The following SLC7A2 variants were observed in gnomAD, a reference collection of about 807,000 sequenced individuals.
SLC7A2 encodes the protein solute carrier family 7 member 2.
SLC7A2 carries 48 observed loss-of-function variants against 58.9 expected under a neutral mutation model. The ratio of observed to expected loss-of-function variants is 0.82; its 90% CI spans 0.65 to 1.04. The LOEUF (loss-of-function observed/expected upper bound fraction) is 1.04, where lower values mean the gene tolerates loss of function less well. Among genes scored for constraint, SLC7A2 ranks in the 50% least tolerant of loss-of-function variants. SLC7A2 has a pLI of 0.00. For synonymous variants in SLC7A2, 363 were observed against 314.5 expected (o/e 1.15, Z -1.63); for missense variants, 1,029 against 818.8 (o/e 1.26, Z -3.13).
At chr8:17,509,764 T>A (rs1485515330) in intron 2 of SLC7A2, among the ~76,000 whole-genome samples, 1 of 152,204 alleles carries the variant, frequency 6.6e-6, no homozygotes, top group Non-Finnish European at 1.5e-5. Flanking sequence ...AAACAGCTAC[T>A]GAAATTATTT....
In SLC7A2 at chr8:17,564,943, C is replaced by T; in HGVS notation, c.1781-7C>T. On this transcript the variant is annotated splice_region_variant and splice_polypyrimidine_tract_variant and intron_variant, in intron 12 of 12. Coordinates refer to ENST00000494857, the MANE Select transcript of SLC7A2 (RefSeq NM_001370338.1). ...AACATTGATTTTTTTTTTTCCTGCC[C>T]CAACAGGCTTCCTGATTTACTTTTC... The T allele has an allele frequency of 6.4e-7, 1 of 1,566,192 alleles. No individual in the cohort carries two copies. The highest frequency in any genetic ancestry group is 8.6e-7 in the Non-Finnish European group (1 of 1,160,726).
At chr8:17,507,832 G>A (rs1342612100) in intron 2 of SLC7A2, among the ~76,000 whole-genome samples, 2 of 152,142 alleles carry the variant, frequency 1.3e-5, no homozygotes, top group East Asian at 1.9e-4. Flanking sequence ...TTAGAAATAA[G>A]TGTTACAGGA....
intron 5 of SLC7A2, among the ~76,000 whole-genome samples, chr8:17,549,186 C>G (rs1002340760): frequency 6.6e-6 from 1 of 152,220 alleles, no homozygotes; most frequent in African/African-American, 2.4e-5. Context: ...CCACTGGGTC[C>G]CTGCCACAAC....
chr8:17,535,118 T>C (rs1364887365), intron 2 of SLC7A2, among the ~76,000 whole-genome samples: 1 of 152,176 alleles, frequency 6.6e-6, no homozygotes, highest in Non-Finnish European at 1.5e-5. Context: ...TTCTCAGTGA[T>C]TTCCTATTGC....
At chr8:17,559,577 A>G (rs1055088427) in intron 9 of SLC7A2, among the ~76,000 whole-genome samples, 9 of 152,192 alleles carry the variant, frequency 5.9e-5, no homozygotes, top group African/African-American at 2.2e-4. Context: ...AAAAAAAAAC[A>G]TAACAAAACG....
At chr8:17,555,250 G>A (rs1315757446) in intron 8 of SLC7A2, among the ~76,000 whole-genome samples, 2 of 152,058 alleles carry the variant, frequency 1.3e-5, no homozygotes, top group Admixed American at 6.6e-5. Context: ...AATTGTGGTG[G>A]CGGTGGTATA....
chr8:17,545,720 T>C (rs530244695), intron 4 of SLC7A2, among the ~76,000 whole-genome samples: 62 of 152,174 alleles, frequency 4.1e-4, no homozygotes, highest in African/African-American at 1.4e-3. Flanking sequence ...TTGAGTCTCC[T>C]TCTTACCTGC....
At chr8:17,512,139 A>G (rs751186511) in intron 2 of SLC7A2, among the ~76,000 whole-genome samples, 6 of 152,164 alleles carry the variant, frequency 3.9e-5, no homozygotes, top group Non-Finnish European at 7.3e-5. Flanking sequence ...CTTAGAACGT[A>G]TATCGTATGT....
intron 2 of SLC7A2, among the ~76,000 whole-genome samples, chr8:17,503,409 G>A (rs1800245915): frequency 6.6e-6 from 1 of 152,090 alleles, no homozygotes; most frequent in Non-Finnish European, 1.5e-5. Flanking sequence ...TCTTTAGATC[G>A]CGAGTTTTTT....
rs35210464 is a variant in SLC7A2 at position 17,566,028 on chromosome 8, C to G, written c.*882C>G. On this transcript the variant is annotated 3_prime_UTR_variant, in exon 13 of 13. Transcript: ENST00000494857. ...AGGGCCAGAAAGCTCATGGAGTGGCCGTAATGAGAATATGTTTGAAGATCA... is the reference window on the plus strand; with the variant it reads ...AGGGCCAGAAAGCTCATGGAGTGGCGGTAATGAGAATATGTTTGAAGATCA... 17,888 of 152,094 alleles carry G rather than the reference C, an allele frequency of 0.12. 1,126 individuals are homozygous for G. Among genetic ancestry groups the G allele is most frequent in the Non-Finnish European group, 0.14 (9,203 of 67,994 alleles). The allele number at this position is 152,094 out of a possible 1,614,324, so 9.4% of individuals were successfully genotyped here.
chr8:17,537,258 C>T (rs1362155401), intron 2 of SLC7A2, among the ~76,000 whole-genome samples: 3 of 151,984 alleles, frequency 2.0e-5, no homozygotes, highest in African/African-American at 4.8e-5. Flanking sequence ...GGTTTCACCA[C>T]GTTGGTCAGG....
At chr8:17,514,704 A>G (rs1350372150) in intron 2 of SLC7A2, among the ~76,000 whole-genome samples, 1 of 152,170 alleles carries the variant, frequency 6.6e-6, no homozygotes, top group Non-Finnish European at 1.5e-5. Context: ...GCCAAAGATG[A>G]TGTCTTATAG....
At chr8:17,543,221 C>A (rs989418286) in intron 2 of SLC7A2, 97 bp from the exon 3 acceptor site, 33 of 1,098,386 alleles carry the variant, frequency 3.0e-5, no homozygotes, top group East Asian at 1.4e-4. Flanking sequence ...CACACAAACA[C>A]ACACACACAC....
chr8:17,500,019 C>G (rs1800090832), intron 1 of SLC7A2: 1 of 152,092 alleles, frequency 6.6e-6, no homozygotes, highest in Non-Finnish European at 1.5e-5. Flanking sequence ...TGTATTTATT[C>G]CTTCATTGAA....
In SLC7A2 at chr8:17,560,359, A is replaced by G. The variant is rs746617433; in HGVS notation, c.1330A>G (p.Lys444Glu). The change falls in exon 10 of 13, where the codon AAA becomes GAA. Residue 444 changes from lysine to glutamate, a missense_variant. Lys to Glu is a moderately conservative substitution (Grantham distance 56). Transcript: ENST00000494857. ...YQPGLSYDQP[K>E]CSPEKDGLGS... ...GCCTGGCTTATCTTACGACCAGCCC[A>G]AATGTTCTCCTGAGAAAGATGGTCT... 1 of 1,614,130 alleles carries G rather than the reference A, an allele frequency of 6.2e-7. No homozygotes were observed. The highest frequency in any genetic ancestry group is 8.5e-7 in the Non-Finnish European group (1 of 1,179,982).
intron 4 of SLC7A2, among the ~76,000 whole-genome samples, chr8:17,548,256 G>C (rs1371823435): frequency 1.3e-5 from 2 of 152,198 alleles, no homozygotes; most frequent in Non-Finnish European, 2.9e-5. Flanking sequence ...TGAGAGAATT[G>C]TTTGAGCACA....
At chr8:17,536,590 T>TGGAA (rs1237505212) in intron 2 of SLC7A2, among the ~76,000 whole-genome samples, 6 of 152,138 alleles carry the variant, frequency 3.9e-5, no homozygotes, top group Non-Finnish European at 8.8e-5. Context: ...CAAGCTATTT[T>TGGAA]TTTCAAGGAG....
intron 8 of SLC7A2, among the ~76,000 whole-genome samples, chr8:17,557,867 A>G (rs1040697220): frequency 1.1e-4 from 16 of 152,220 alleles, no homozygotes; most frequent in Non-Finnish European, 2.9e-5. Context: ...AACTCAGTGC[A>G]TATGGAAACT....
intron 2 of SLC7A2, among the ~76,000 whole-genome samples, chr8:17,526,504 G>T (rs926490936): frequency 1.3e-5 from 2 of 152,170 alleles, no homozygotes; most frequent in African/African-American, 4.8e-5. Context: ...GTTAAAACTA[G>T]TTCACAATTT....
Sources: gnomAD v4.1 joint callset for allele counts (sites outside exome capture counted in the v4.1 genomes callset) on GRCh38, gnomAD v4.1.1 for gene constraint, MANE v1.5 for transcripts, NCBI Gene and HGNC (gene_info 2026-07-23, HGNC 2026-07-21) for gene names.